Variants in LY6G5B observed in about 807,000 individuals in gnomAD.
LY6G5B encodes the protein lymphocyte antigen 6 family member G5B, also known as lymphocyte antigen 6 complex locus protein G5b.
A neutral mutation model predicts 6.7 loss-of-function variants in LY6G5B; 6 were observed. The observed-to-expected ratio is 0.89, with a 90% CI of 0.49 to 1.76. The LOEUF is 1.76. Ranked by LOEUF, LY6G5B falls within the 40% of genes most tolerant of loss-of-function variation. The probability of loss-of-function intolerance (pLI) is 0.01; values close to 1 mark genes in which losing one functional copy is unlikely to be tolerated. For synonymous variants in LY6G5B, 98 were observed against 99.4 expected, an observed-to-expected ratio of 0.99 and a Z score of 0.09; for missense variants, 240 against 249.5, an observed-to-expected ratio of 0.96 and a Z score of 0.26.
At chr6:31,672,354 T>C in exon 3 of LY6G5B, 1 of 1,484,098 alleles carries the variant, frequency 6.7e-7, no homozygotes, top group Non-Finnish European at 9.1e-7. Flanking sequence ...ACACCCACAT[T>C]CTTTGGTCAC....
chr6:31,669,989 A>G, upstream of LY6G5B: 1 of 1,367,760 alleles, frequency 7.3e-7, no homozygotes, highest in South Asian at 1.3e-5. The surrounding 1 kb of genome is among the most constrained non-coding windows in gnomAD (Gnocchi z 4.8). Flanking sequence ...CCCTTTCAGG[A>G]ACCCTGTATG....
chr6:31,670,097 G>A (rs1562054382), upstream of LY6G5B: 2 of 640,894 alleles, frequency 3.1e-6, no homozygotes, highest in Non-Finnish European at 5.2e-6. Flanking sequence ...TTGCTGTTGG[G>A]GAAGGGAAGG....
At chr6:31,670,794 T>C in exon 1 of LY6G5B, 1 of 728,482 alleles carries the variant, frequency 1.4e-6, no homozygotes, top group South Asian at 2.1e-5. Context: ...CCAGCCAGGA[T>C]CCTGCCCCAA....
chr6:31,671,297 C>T lies in LY6G5B; in HGVS notation c.187+13C>T. On this transcript the variant is annotated intron_variant, in intron 2 of 2. Transcript: ENST00000375864. ...ACCATCTATTATGGTAAATAAGGTC[C>T]CAGGAAGGGGCTGCTGGTGGGGCAG... 6.2e-7 allele frequency: 1 copy of T among 1,612,934 alleles called. No homozygotes were observed. The highest frequency in any genetic ancestry group is 8.5e-7 in the Non-Finnish European group (1 of 1,179,952).
chr6:31,671,013 G>A lies in LY6G5B; in HGVS notation c.58+5G>A. 1 of 1,612,604 alleles carries A rather than the reference G, an allele frequency of 6.2e-7. No individual in the cohort carries two copies. Among genetic ancestry groups the A allele is most frequent in the Non-Finnish European group, 8.5e-7 (1 of 1,179,140 alleles). ...TGGGCTTCACAGTAGGAAAGGGTAA[G>A]TGGGGCCCAGGGGCAGGGAGGGAGG... On this transcript the variant is annotated splice_donor_5th_base_variant and intron_variant, in intron 1 of 2. Transcript: ENST00000375864.
At chr6:31,672,618 G>A (rs2151195328) in exon 3 of LY6G5B, 1 of 282,648 alleles carries the variant, frequency 3.5e-6, no homozygotes, top group African/African-American at 2.2e-5. Flanking sequence ...CTAATTTTTT[G>A]TATTTTTAGT....
At chr6:31,671,372 T>C (rs1466024388) in intron 2 of LY6G5B, 88 bp downstream of exon 2, 3 of 1,584,756 alleles carry the variant, frequency 1.9e-6, no homozygotes, top group African/African-American at 1.3e-5. Context: ...GCTCCGGGCA[T>C]GGGGTACAAG....
At chr6:31,672,627 G>T in exon 3 of LY6G5B, 1 of 263,392 alleles carries the variant, frequency 3.8e-6, no homozygotes, top group Non-Finnish European at 7.3e-6. Context: ...TGTATTTTTA[G>T]TAGAGACGGG....
chr6:31,671,796 C>T (rs931404222), intron 2 of LY6G5B, 68 bp from the exon 3 acceptor site: 2 of 1,525,118 alleles, frequency 1.3e-6, no homozygotes, highest in African/African-American at 1.4e-5. Flanking sequence ...TGGGAAAAGT[C>T]AGTAGCAGGG....
exon 1 of LY6G5B, chr6:31,670,758 C>T (rs1442185242): frequency 3.4e-6 from 2 of 593,552 alleles, no homozygotes; most frequent in East Asian, 2.9e-5. Flanking sequence ...ACATGCTGTC[C>T]CTCCTGCCAA....
chr6:31,670,155 C>T, upstream of LY6G5B: 3 of 535,024 alleles, frequency 5.6e-6, no homozygotes, highest in Non-Finnish European at 9.8e-6. Flanking sequence ...GCCCACCCTC[C>T]CCAGATTGAA....
At chr6:31,671,667 A>C (rs1802226978) in intron 2 of LY6G5B, among the ~76,000 whole-genome samples, 197 bp from the exon 3 acceptor site, 1 of 151,594 alleles carries the variant, frequency 6.6e-6, no homozygotes, top group Non-Finnish European at 1.5e-5. Context: ...ACCCTGTCTC[A>C]AAAAAAACCA....
At chr6:31,671,837 G>T in intron 2 of LY6G5B, 27 bp from the exon 3 acceptor site, 1 of 1,587,894 alleles carries the variant, frequency 6.3e-7, no homozygotes, top group Non-Finnish European at 8.6e-7. Context: ...TATTGGAAGG[G>T]GTTATCAGCT....
rs72850166 is a variant in LY6G5B, at chr6:31,673,102, T to C, written c.*820T>C. The C allele has an allele frequency of 4.0e-3, 614 of 151,874 alleles. 2 individuals carry two copies. The highest frequency in any genetic ancestry group is 5.4e-3 in the Non-Finnish European group (365 of 67,968). The allele number at this position is 151,874 out of a possible 1,614,324, so 9.4% of individuals were successfully genotyped here. ...CCAACATGGTAAAACCCGCTCTCTA[T>C]TAAAAATAGAAAAATCAGCTGGGTG... On this transcript the variant is annotated 3_prime_UTR_variant, in exon 3 of 3. Transcript: ENST00000375864.
rs1298268360 is a variant in LY6G5B at position 31,672,400 on chromosome 6, G to A, written c.*118G>A. On this transcript the variant is annotated 3_prime_UTR_variant, in exon 3 of 3. Coordinates refer to ENST00000375864, the Ensembl canonical transcript of LY6G5B. ...TAGGCCTCCGTCTGTTGTACCACTA[G>A]CATCTATATGACTTTTGTGTAATTT... 4 of 1,085,238 alleles carry A rather than the reference G, an allele frequency of 3.7e-6. No individual in the cohort carries two copies. The Admixed American group carries it at 7.1e-5, about 19-fold the overall frequency. 67.2% of individuals were successfully genotyped at this position (1,085,238 alleles called of 1,614,324 possible).
At chr6:31,672,013 C>G in exon 3 of LY6G5B, 1 of 1,613,114 alleles carries the variant, frequency 6.2e-7, no homozygotes, top group Non-Finnish European at 8.5e-7. Flanking sequence ...CCCCCAACTC[C>G]AGAGCTCTCT....
chr6:31,671,811 T>C (rs1237857185), intron 2 of LY6G5B, 53 bp from the exon 3 acceptor site: 51 of 1,551,990 alleles, frequency 3.3e-5, no homozygotes, highest in Non-Finnish European at 4.4e-5. Flanking sequence ...GCAGGGGTTC[T>C]TGGACTATGG....
chr6:31,670,196 G>A lies in LY6G5B; in HGVS notation c.-755G>A, dbSNP rs74616499. The A allele has an allele frequency of 2.6e-3, 1,288 of 491,362 alleles. 27 individuals are homozygous for A. In the Admixed American group the frequency reaches 0.028, roughly 11 times the overall value. The allele number at this position is 491,362 out of a possible 1,614,324, so 30.4% of individuals were successfully genotyped here. On this transcript the variant is annotated 5_prime_UTR_variant, in exon 1 of 3. The change creates a premature stop within an existing upstream ORF in the 5' untranslated region. Coordinates refer to ENST00000375864, the Ensembl canonical transcript of LY6G5B. ...GGACAGATTTGTGCTCAGTGGATTG[G>A]GTGGTGTTTTTAGTATGGAGCAGAA...
exon 1 of LY6G5B, chr6:31,670,540 A>G (rs534732168): frequency 2.9e-4 from 58 of 199,490 alleles, no homozygotes; most frequent in African/African-American, 9.3e-4. Context: ...TTGTCCCAGC[A>G]CAGTGGGGAT....
Sources: allele counts gnomAD v4.1 joint callset (sites outside exome capture counted in the v4.1 genomes callset), GRCh38; gene constraint gnomAD v4.1.1; non-coding constraint Gnocchi (gnomAD v3.1); transcripts MANE v1.5; gene names NCBI Gene and HGNC (gene_info 2026-07-23, HGNC 2026-07-21).